Variants in SH3PXD2B observed in about 807,000 individuals in gnomAD.
SH3PXD2B encodes SH3 and PX domains 2B, also known as SH3 and PX domain-containing protein 2B.
In SH3PXD2B, 37 loss-of-function variants were observed where a neutral mutation model predicts 73.1. The ratio of observed to expected loss-of-function variants is 0.51; its 90% CI spans 0.39 to 0.67. The LOEUF is 0.67. Among genes scored for constraint, SH3PXD2B ranks in the 30% least tolerant of loss-of-function variants. The pLI, the probability that SH3PXD2B is intolerant of heterozygous loss-of-function variation, is 0.00. For missense variants in SH3PXD2B, 1,053 were observed against 1,197.8 expected, an observed-to-expected ratio of 0.88 and a Z score of 1.78; for synonymous variants, 457 against 480.5, an observed-to-expected ratio of 0.95 and a Z score of 0.64.
chr5:172,389,501 A>G (rs898214854), intron 4 of SH3PXD2B, among the ~76,000 whole-genome samples: 3 of 151,594 alleles, frequency 2.0e-5, no homozygotes, highest in Non-Finnish European at 4.4e-5. Context: ...CAATGGGAAT[A>G]ATAAAACTTA....
chr5:172,345,084 G>GGAAGGA, intron 12 of SH3PXD2B, among the ~76,000 whole-genome samples: 1 of 145,974 alleles, frequency 6.9e-6, no homozygotes, highest in Admixed American at 6.8e-5. Context: ...GAAGGAGGGA[G>GGAAGGA]GGAAGGAAAG....
At chr5:172,395,473 T>C (rs1304880611) in intron 3 of SH3PXD2B, among the ~76,000 whole-genome samples, 1 of 152,142 alleles carries the variant, frequency 6.6e-6, no homozygotes, top group Non-Finnish European at 1.5e-5. Flanking sequence ...GGCATGGGGC[T>C]ATGAACCACC....
intron 3 of SH3PXD2B, among the ~76,000 whole-genome samples, chr5:172,398,692 A>C (rs1449149120): frequency 6.6e-6 from 1 of 152,230 alleles, no homozygotes; most frequent in Non-Finnish European, 1.5e-5. Context: ...GAAAACTTTA[A>C]ATGACTTCCA....
chr5:172,397,188 G>T (rs900514104), intron 3 of SH3PXD2B, among the ~76,000 whole-genome samples: 11 of 152,176 alleles, frequency 7.2e-5, no homozygotes, highest in South Asian at 2.1e-4. Flanking sequence ...TATGGTTGCA[G>T]ATAAGGGATG....
At chr5:172,416,696 CTTTTTT>C (rs202242720) in intron 2 of SH3PXD2B, among the ~76,000 whole-genome samples, 13 of 62,260 alleles carry the variant, frequency 2.1e-4, no homozygotes, top group African/African-American at 7.1e-4. Flanking sequence ...CTCTCTCTCT[CTTTTTT>C]TTTTTTTTTT....
intron 3 of SH3PXD2B, among the ~76,000 whole-genome samples, chr5:172,397,743 G>T (rs530172316): frequency 1.4e-4 from 21 of 152,284 alleles, no homozygotes; most frequent in African/African-American, 4.3e-4. Context: ...ATTCCCTTTG[G>T]TAGAGATTTA....
intron 2 of SH3PXD2B, among the ~76,000 whole-genome samples, chr5:172,420,836 T>C (rs1208005975): frequency 6.6e-6 from 1 of 152,186 alleles, no homozygotes; most frequent in African/African-American, 2.4e-5. Flanking sequence ...GTTGTATCAT[T>C]GTGCAATCAT....
chr5:172,411,814 C>T (rs1231004936), intron 2 of SH3PXD2B, among the ~76,000 whole-genome samples: 17 of 150,578 alleles, frequency 1.1e-4, no homozygotes, highest in Admixed American at 8.6e-4. Context: ...TTTTTTTAAT[C>T]GTGTTAAATA....
Position 172,333,540 on chromosome 5 carries a change from TAAAA to T in SH3PXD2B, c.*4825_*4828del, listed in dbSNP as rs35951290. The T allele has an allele frequency of 1.5e-3, 1,553 of 1,036,134 alleles. 25 individuals are homozygous for T. In the African/African-American group the frequency reaches 0.025, roughly 16 times the overall value. The allele number at this position is 1,036,134 out of a possible 1,614,324, so 64.2% of individuals were successfully genotyped here. A position where few individuals can be genotyped will look rare whatever the true frequency, so the allele number is the denominator to read the frequency against. ...AAACCAGTCAAGCACTTTTTTTATT[TAAAA>T]AAAAAAAAAGGAAAGAAGTCAAATG... On this transcript the variant is annotated 3_prime_UTR_variant, in exon 13 of 13. Coordinates refer to ENST00000311601, the MANE Select transcript of SH3PXD2B (RefSeq NM_001017995.3).
intron 11 of SH3PXD2B, 98 bp downstream of exon 11, chr5:172,347,185 A>G: frequency 8.3e-7 from 1 of 1,204,388 alleles, no homozygotes; most frequent in Non-Finnish European, 1.2e-6. Flanking sequence ...CAGGAAAGAG[A>G]GCATTTCTGG....
At chr5:172,415,400 T>A (rs928256820) in intron 2 of SH3PXD2B, among the ~76,000 whole-genome samples, 1 of 152,158 alleles carries the variant, frequency 6.6e-6, no homozygotes, top group Non-Finnish European at 1.5e-5. Context: ...AATCTATCTT[T>A]CAATAGGCAG....
intron 12 of SH3PXD2B, among the ~76,000 whole-genome samples, chr5:172,342,036 G>A (rs944342625): frequency 2.0e-4 from 30 of 152,108 alleles, no homozygotes; most frequent in African/African-American, 6.8e-4. Context: ...AATAAGAAGA[G>A]GAGATTAGAA....
intron 2 of SH3PXD2B, among the ~76,000 whole-genome samples, chr5:172,413,824 C>T (rs914157448): frequency 2.0e-5 from 3 of 152,202 alleles, no homozygotes; most frequent in African/African-American, 4.8e-5. Context: ...ATGCACAACA[C>T]GTTGGAGGCA....
At chr5:172,363,613 G>A (rs1033024852) in intron 6 of SH3PXD2B, among the ~76,000 whole-genome samples, 3 of 152,262 alleles carry the variant, frequency 2.0e-5, no homozygotes, top group Non-Finnish European at 2.9e-5. Context: ...GCAGGGACCC[G>A]AGAGAGGAGG....
intron 1 of SH3PXD2B, among the ~76,000 whole-genome samples, chr5:172,425,931 A>C (rs912825702): frequency 1.3e-5 from 2 of 152,124 alleles, no homozygotes; most frequent in African/African-American, 4.8e-5. Context: ...AAGGGAAAAT[A>C]CTGTACCAAA....
At chr5:172,359,572 C>G (rs188783814) in intron 7 of SH3PXD2B, among the ~76,000 whole-genome samples, 1 of 152,156 alleles carries the variant, frequency 6.6e-6, no homozygotes, top group East Asian at 1.9e-4. Context: ...AGAGCTGTGA[C>G]GTGTGCACGG....
Position 172,338,456 on chromosome 5 carries a change from G to A in SH3PXD2B, c.2649C>T (p.Ser883=). ...GTVFEVREKN[S]SGWWFCQVLS... ...GGACCTGGCAGAACCACCAGCCACT[G>A]CTGTTCTTCTCCCGGACTTCAAACA... The change falls in exon 13 of 13, where the codon AGC becomes AGT. Residue 883 remains serine (S), a synonymous_variant. Transcript: ENST00000311601. The surrounding 1 kb of genome is among the most constrained non-coding windows in gnomAD (Gnocchi z 5.1). 1 of 1,614,230 alleles carries A rather than the reference G, an allele frequency of 6.2e-7. No homozygotes were observed. Among genetic ancestry groups the A allele is most frequent in the Non-Finnish European group, 8.5e-7 (1 of 1,180,048 alleles).
chr5:172,343,395 C>T (rs969661209), intron 12 of SH3PXD2B, among the ~76,000 whole-genome samples: 1 of 152,238 alleles, frequency 6.6e-6, no homozygotes, highest in Non-Finnish European at 1.5e-5. Context: ...CAAGCTTACA[C>T]TCTTTGCAAA....
intron 1 of SH3PXD2B, among the ~76,000 whole-genome samples, chr5:172,441,157 G>C (rs916762611): frequency 5.3e-5 from 8 of 152,166 alleles, no homozygotes; most frequent in Non-Finnish European, 1.2e-4. Context: ...ACTAGACTAA[G>C]AGTTAGTACT....
Sources: gnomAD v4.1 joint callset for allele counts (sites outside exome capture counted in the v4.1 genomes callset) on GRCh38, gnomAD v4.1.1 for gene constraint, Gnocchi (gnomAD v3.1) non-coding constraint, MANE v1.5 for transcripts, NCBI Gene and HGNC (gene_info 2026-07-23, HGNC 2026-07-21) for gene names.